The following DMD variants were observed in gnomAD, a reference collection of about 807,000 sequenced individuals.
DMD encodes the protein mutant dystrophin.
DMD carries 63 observed loss-of-function variants against 330.1 expected under a neutral mutation model. The ratio of observed to expected loss-of-function variants is 0.19; its 90% CI spans 0.16 to 0.24. The LOEUF (loss-of-function observed/expected upper bound fraction) is 0.24. Ranked by LOEUF, DMD falls within the 10% of genes least tolerant of loss-of-function variation. The pLI, the probability that DMD is intolerant of heterozygous loss-of-function variation, is 1.00. For missense variants in DMD, 3,344 were observed against 2,684.1 expected (o/e 1.25, Z -5.43); for synonymous variants, 1,223 against 959.8 (o/e 1.27, Z -5.07).
chrX:33,098,785 T>C (rs2095204619), intron 1 of DMD, among the ~76,000 whole-genome samples: 1 of 111,667 alleles, frequency 9.0e-6, no homozygotes, highest in Non-Finnish European at 1.9e-5. Context: ...ATTTATAACC[T>C]GACATGTTTA....
At chrX:32,996,061 G>A (rs939476779) in intron 2 of DMD, among the ~76,000 whole-genome samples, 5 of 111,902 alleles carry the variant, frequency 4.5e-5, no homozygotes, top group Non-Finnish European at 7.5e-5. Context: ...TAATGAAAAC[G>A]TAGTACTTGA....
intron 30 of DMD, among the ~76,000 whole-genome samples, chrX:32,402,476 T>C (rs1033733589): frequency 1.1e-4 from 12 of 111,111 alleles, no homozygotes; most frequent in African/African-American, 3.9e-4. Flanking sequence ...TGTGTGTCCA[T>C]TTTCATTCAC....
At chrX:31,240,468 C>CT (rs1473379139) in intron 63 of DMD, among the ~76,000 whole-genome samples, 5 of 111,324 alleles carry the variant, frequency 4.5e-5, no homozygotes, top group South Asian at 3.8e-4. Context: ...GTCATGTGCA[C>CT]TTTTTTTAAT....
At chrX:32,321,669 C>G (rs1044853196) in intron 41 of DMD, among the ~76,000 whole-genome samples, 1 of 111,779 alleles carries the variant, frequency 8.9e-6, no homozygotes, top group Admixed American at 9.6e-5. Flanking sequence ...AAAACAACAA[C>G]AACAACAACA....
At chrX:32,271,289 A>C (rs906919466) in intron 43 of DMD, among the ~76,000 whole-genome samples, 32 of 112,570 alleles carry the variant, frequency 2.8e-4, no homozygotes, top group African/African-American at 1.0e-3. Context: ...AATTACTCAA[A>C]GGCTAAGAAT....
intron 74 of DMD, among the ~76,000 whole-genome samples, chrX:31,166,431 T>C (rs1195509501): frequency 9.0e-6 from 1 of 111,399 alleles, no homozygotes; most frequent in Non-Finnish European, 1.9e-5. Context: ...AATATATATA[T>C]TAACAGATCA....
intron 41 of DMD, among the ~76,000 whole-genome samples, chrX:32,324,038 G>A (rs904894900): frequency 9.1e-6 from 1 of 110,425 alleles, no homozygotes; most frequent in African/African-American, 3.3e-5. Context: ...TACTGGGTAC[G>A]GACATACAGT....
At chrX:32,885,751 G>A (rs61030924) in intron 2 of DMD, among the ~76,000 whole-genome samples, 1,637 of 98,410 alleles carry the variant, frequency 0.017, 31 homozygotes, top group East Asian at 0.069. Flanking sequence ...ATGTAGAAGC[G>A]AAATTTGAGG....
At chrX:32,510,216 G>C (rs950006855) in intron 18 of DMD, among the ~76,000 whole-genome samples, 1 of 111,564 alleles carries the variant, frequency 9.0e-6, no homozygotes, top group African/African-American at 3.3e-5. Context: ...GCTAAACATC[G>C]TGATTTTTCT....
intron 7 of DMD, among the ~76,000 whole-genome samples, chrX:32,719,817 T>C (rs1447088745): frequency 9.1e-6 from 1 of 110,496 alleles, no homozygotes; most frequent in East Asian, 2.9e-4. Flanking sequence ...TTTCCCAGAA[T>C]ACCTCAAGAG....
chrX:32,823,376 C>A lies in DMD; in HGVS notation c.276G>T (p.Val92=). The A allele has an allele frequency of 8.3e-7, 1 of 1,201,399 alleles. No individual in the cohort carries two copies. Among genetic ancestry groups the A allele is most frequent in the Non-Finnish European group, 1.1e-6 (1 of 886,673 alleles). Residue 92 remains valine, a synonymous_variant, in exon 5 of 79, where the codon GTG becomes GTT. Transcript: ENST00000357033. The part of the protein sequence containing the change: ...RVLQNNNVDL[V]NIGSTDIVDG... ...CTACGATGTCAGTACTTCCAATATT[C>A]ACTAAATCAACCTGTTAAAGAAAGG...
intron 11 of DMD, 97 bp downstream of exon 11, chrX:32,644,035 A>G (rs1164929595): frequency 1.3e-6 from 1 of 758,406 alleles, no homozygotes; most frequent in Admixed American, 2.9e-5. Context: ...CTTGGGAACA[A>G]ACTGAGAATC....
intron 1 of DMD, among the ~76,000 whole-genome samples, chrX:33,326,103 G>A (rs771398059): frequency 2.7e-5 from 3 of 111,192 alleles, no homozygotes; most frequent in African/African-American, 6.5e-5. Context: ...AGTACTGCTC[G>A]TGTACTATGG....
At position 32,430,717 on chromosome X, in the gene DMD, T is replaced by A. The variant is rs2098234783; in HGVS notation, c.4071+7524A>T. 3.6e-5 allele frequency among the ~76,000 whole-genome samples: 4 copies of A among 111,543 alleles called. No homozygotes were observed. In the South Asian group the frequency reaches 1.5e-3, roughly 42 times the overall value. On this transcript the variant is annotated intron_variant, in intron 29 of 78. Transcript: ENST00000357033. Reference sequence around the variant, plus strand: ...TTACAAATATCTCTCCATTTTTCCCTTCCCCTAGCCCCTGGCAGGAAGCAT... The same window carrying A: ...TTACAAATATCTCTCCATTTTTCCCATCCCCTAGCCCCTGGCAGGAAGCAT...
At chrX:32,320,206 C>T (rs187941560) in intron 41 of DMD, among the ~76,000 whole-genome samples, 159 of 110,809 alleles carry the variant, frequency 1.4e-3, no homozygotes, top group African/African-American at 4.9e-3. Flanking sequence ...TTACATTTGT[C>T]ACACCCCTCA....
intron 4 of DMD, among the ~76,000 whole-genome samples, chrX:32,827,194 C>A (rs2078786897): frequency 9.2e-6 from 1 of 108,692 alleles, no homozygotes; most frequent in Admixed American, 1.0e-4. Context: ...CACGGAAGCC[C>A]AAGGGGTAAG....
Position 33,280,279 on chromosome X carries a change from C to T in DMD, c.7+58980G>A, listed in dbSNP as rs554474762. On this transcript the variant is annotated intron_variant, in intron 1 of 17. Transcript: ENST00000288447. ...ATTAACAGGCACGAGCCACCACGCC[C>T]GGTTATATTTCTTCTTAACAGAATA... 3.6e-5 allele frequency among the ~76,000 whole-genome samples: 4 copies of T among 111,716 alleles called. No homozygotes were observed. In the South Asian group the frequency reaches 1.5e-3, roughly 41 times the overall value.
chrX:33,301,995 T>C (rs1433465216), intron 1 of DMD, among the ~76,000 whole-genome samples: 1 of 112,028 alleles, frequency 8.9e-6, no homozygotes, highest in Non-Finnish European at 1.9e-5. Context: ...ATTTTAATAT[T>C]CATTTTTCTA....
At chrX:32,643,557 A>AC (rs1471889170) in intron 11 of DMD, among the ~76,000 whole-genome samples, 1 of 111,337 alleles carries the variant, frequency 9.0e-6, no homozygotes, top group Non-Finnish European at 1.9e-5. Flanking sequence ...TCTGCTTGTT[A>AC]CCTTTATAAG....
Sources: allele counts gnomAD v4.1 joint callset (sites outside exome capture counted in the v4.1 genomes callset), GRCh38; gene constraint gnomAD v4.1.1; transcripts MANE v1.5; gene names NCBI Gene and HGNC (gene_info 2026-07-23, HGNC 2026-07-21).